AADACL3: variants seen among roughly 807,000 people sequenced by gnomAD.
The protein encoded by AADACL3 is arylacetamide deacetylase like 3.
In AADACL3, 13 loss-of-function variants were observed where a neutral mutation model predicts 13.6. The observed-to-expected ratio is 0.95, with a 90% CI of 0.62 to 1.52. AADACL3 has a LOEUF of 1.52. Ranked by LOEUF, AADACL3 falls within the 40% of genes most tolerant of loss-of-function variation. AADACL3 has a pLI of 0.00. For missense variants in AADACL3, 519 were observed against 499.2 expected (o/e 1.04, Z -0.38); for synonymous variants, 195 against 197.0 (o/e 0.99, Z 0.08).
At chr1:12,718,790 T>C (rs1648497307) in intron 1 of AADACL3, among the ~76,000 whole-genome samples, 1 of 152,218 alleles carries the variant, frequency 6.6e-6, no homozygotes, top group South Asian at 2.1e-4. Flanking sequence ...TATCAGCCAC[T>C]GTGCCTGGCT....
At chr1:12,718,171 AG>A (rs1648479900) in intron 1 of AADACL3, among the ~76,000 whole-genome samples, 1 of 152,128 alleles carries the variant, frequency 6.6e-6, no homozygotes, top group African/African-American at 2.4e-5. Context: ...TATTTTGATA[AG>A]TATATTTAAA....
At chr1:12,719,078 G>A (rs1302744902) in intron 1 of AADACL3, among the ~76,000 whole-genome samples, 1 of 152,186 alleles carries the variant, frequency 6.6e-6, no homozygotes, top group Non-Finnish European at 1.5e-5. Context: ...GCTTGGGGTG[G>A]CCAGATTGGC....
rs1344816315 is a variant in AADACL3 at position 12,728,755 on chromosome 1, AG to A, written c.*2760del. The A allele has an allele frequency of 6.6e-6, 1 of 152,268 alleles. No homozygotes were observed. Among genetic ancestry groups the A allele is most frequent in the African/African-American group, 2.4e-5 (1 of 41,454 alleles). 9.4% of individuals were successfully genotyped at this position (152,268 alleles called of 1,614,324 possible). ...ATTTCTTAAAATAAAATAAGACAAC[AG>A]TGGATTTGCCACATCAATGGACTCT... is the stretch of plus-strand genomic sequence containing the variant. On this transcript the variant is annotated 3_prime_UTR_variant, in exon 4 of 4. Transcript: ENST00000359318.
Position 12,716,196 on chromosome 1 carries a change from TCTTC to T in AADACL3, c.23_26del (p.Phe8SerfsTer9), listed in dbSNP as rs1648427274. 9.8e-7 allele frequency: 1 copy of T among 1,025,596 alleles called. No homozygotes were observed. The highest frequency in any genetic ancestry group is 1.8e-5 in the Admixed American group (1 of 56,962). 63.5% of individuals were successfully genotyped at this position (1,025,596 alleles called of 1,614,324 possible). On this transcript the variant is annotated frameshift_variant, in exon 1 of 4. Coordinates refer to ENST00000359318, the MANE Select transcript of AADACL3 (RefSeq NM_001103170.3). LOFTEE classifies it high-confidence loss of function. ...AGCAGCATGTGGGACCTGGCCCTGA[TCTTC>T]CTCGCAGCAGCCTGCGTGTTCTCAC...
Position 12,725,275 on chromosome 1 carries a change from T to G in AADACL3, c.503T>G (p.Val168Gly), listed in dbSNP as rs1557572222. Residue 168 changes from valine (V) to glycine (G), a missense_variant, in exon 4 of 4, where the codon GTG becomes GGG. Val to Gly is a moderately radical substitution (Grantham distance 109). Coordinates refer to ENST00000359318, the MANE Select transcript of AADACL3 (RefSeq NM_001103170.3). ...KFPVPVRDCL[V>G]ATIHFLKSLD... is the part of the protein sequence containing the mutation. Reference sequence around the variant, plus strand: ...CCAGTGCCAGTAAGAGACTGCTTGGTGGCCACCATCCACTTCCTGAAGTCC... The same window carrying G: ...CCAGTGCCAGTAAGAGACTGCTTGGGGGCCACCATCCACTTCCTGAAGTCC... 3 of 1,613,696 alleles carry G rather than the reference T, an allele frequency of 1.9e-6. No individual in the cohort carries two copies. The highest frequency in any genetic ancestry group is 2.5e-6 in the Non-Finnish European group (3 of 1,179,844).
chr1:12,725,331 G>A lies in AADACL3; in HGVS notation c.559G>A (p.Val187Ile), dbSNP rs1197721512. ...LDAYGVDPAR[V>I]VVCGDSFGGA... ...TGCATATGGAGTGGATCCAGCCCGGGTTGTGGTCTGCGGTGACAGTTTCGG... is the reference window on the plus strand; with the variant it reads ...TGCATATGGAGTGGATCCAGCCCGGATTGTGGTCTGCGGTGACAGTTTCGG... The change falls in exon 4 of 4, where the codon GTT (valine) becomes ATT (isoleucine). Residue 187 changes from valine (V) to isoleucine (I), a missense_variant. Coordinates refer to ENST00000359318, the MANE Select transcript of AADACL3 (RefSeq NM_001103170.3). The A allele has an allele frequency of 6.2e-7, 1 of 1,614,014 alleles. No individual in the cohort carries two copies. Among genetic ancestry groups the A allele is most frequent in the Non-Finnish European group, 8.5e-7 (1 of 1,180,032 alleles).
Position 12,720,601 on chromosome 1 carries a change from G to T in AADACL3, c.386-282G>T, listed in dbSNP as rs573073258. On this transcript the variant is annotated intron_variant, in intron 2 of 3. Coordinates refer to ENST00000359318, the MANE Select transcript of AADACL3 (RefSeq NM_001103170.3). ...AAAGTTGAGATTTGAACTCCAGTCT[G>T]AATCCAGAGCTCACACCCTAAACCT... Among the ~76,000 whole-genome samples the T allele has an allele frequency of 3.3e-5, 5 of 152,242 alleles. 1 individual carries two copies. The highest frequency in any genetic ancestry group is 1.2e-4 in the African/African-American group (5 of 41,556).
rs1364008676 is a variant in AADACL3 at position 12,725,696 on chromosome 1, T to A, written c.924T>A (p.Asn308Lys). Reference sequence around the variant, plus strand: ...AACTGAAGCCCCATGAGCCCATGAATGAAGCTGCTTACTTGGAAGTAAGTG... The same window carrying A: ...AACTGAAGCCCCATGAGCCCATGAAAGAAGCTGCTTACTTGGAAGTAAGTG... ...GYQLKPHEPM[N>K]EAAYLEVSVV... The change falls in exon 4 of 4, where the codon AAT becomes AAA. Residue 308 changes from asparagine to lysine, a missense_variant. Transcript: ENST00000359318. The A allele has an allele frequency of 6.2e-7, 1 of 1,614,032 alleles. No homozygotes were observed. The highest frequency in any genetic ancestry group is 8.5e-7 in the Non-Finnish European group (1 of 1,180,028).
Position 12,725,285 on chromosome 1 carries a change from C to A in AADACL3, c.513C>A (p.Ile171=). The A allele has an allele frequency of 1.2e-6, 2 of 1,613,986 alleles. No individual in the cohort carries two copies. Among genetic ancestry groups the A allele is most frequent in the Non-Finnish European group, 1.7e-6 (2 of 1,179,956 alleles). Residue 171 remains isoleucine, a synonymous_variant, in exon 4 of 4, where the codon ATC becomes ATA. Coordinates refer to ENST00000359318, the MANE Select transcript of AADACL3 (RefSeq NM_001103170.3). ...TAAGAGACTGCTTGGTGGCCACCAT[C>A]CACTTCCTGAAGTCCCTGGATGCAT... ...VPVRDCLVAT[I]HFLKSLDAYG...
At chr1:12,716,370 C>T (rs781584453) in intron 1 of AADACL3, 26 bp downstream of exon 1, 41 of 1,613,962 alleles carry the variant, frequency 2.5e-5, no homozygotes, top group Middle Eastern at 1.6e-4. Context: ...TATGTGTCCC[C>T]TCCAGCTGAC....
At chr1:12,722,710 C>T (rs1638290533) in intron 3 of AADACL3, among the ~76,000 whole-genome samples, 1 of 151,226 alleles carries the variant, frequency 6.6e-6, no homozygotes, top group Non-Finnish European at 1.5e-5. Flanking sequence ...TTGTGACCAG[C>T]ATTTAAAAAT....
intron 3 of AADACL3, among the ~76,000 whole-genome samples, chr1:12,721,480 C>T (rs565723111): frequency 6.6e-6 from 1 of 152,228 alleles, no homozygotes; most frequent in East Asian, 1.9e-4. Flanking sequence ...GAATGGGGAA[C>T]CCCTTCCTCT....
At position 12,716,275 on chromosome 1, in the gene AADACL3, C is replaced by T; in HGVS notation, c.99C>T (p.Ile33=). 6.2e-7 allele frequency: 1 copy of T among 1,604,866 alleles called. No individual in the cohort carries two copies. Among genetic ancestry groups the T allele is most frequent in the East Asian group, 2.2e-5 (1 of 44,854 alleles). ...VICSHFFTVH[I]PAAVGHPVKL... is the part of the protein sequence containing the mutation. Reference sequence around the variant, plus strand: ...GCAGCCATTTTTTCACTGTGCACATCCCTGCAGCGGTTGGCCACCCTGTGA... The same window carrying T: ...GCAGCCATTTTTTCACTGTGCACATTCCTGCAGCGGTTGGCCACCCTGTGA... Residue 33 remains isoleucine (I), a synonymous_variant, in exon 1 of 4, where the codon ATC becomes ATT. Transcript: ENST00000359318.
intron 3 of AADACL3, among the ~76,000 whole-genome samples, chr1:12,721,853 G>A (rs971982238): frequency 3.3e-5 from 5 of 152,240 alleles, no homozygotes; most frequent in Non-Finnish European, 5.9e-5. Context: ...CAAAGAGGGC[G>A]TGGTGGGCAT....
Position 12,716,278 on chromosome 1 carries a change from T to G in AADACL3, c.102T>G (p.Pro34=), listed in dbSNP as rs1648430758. The change falls in exon 1 of 4, where the codon CCT becomes CCG. Residue 34 remains proline (P), a synonymous_variant. Coordinates refer to ENST00000359318, the MANE Select transcript of AADACL3 (RefSeq NM_001103170.3). ...ICSHFFTVHI[P]AAVGHPVKLR... Reference sequence around the variant, plus strand: ...GCCATTTTTTCACTGTGCACATCCCTGCAGCGGTTGGCCACCCTGTGAAAC... The same window carrying G: ...GCCATTTTTTCACTGTGCACATCCCGGCAGCGGTTGGCCACCCTGTGAAAC... 3.1e-6 allele frequency: 5 copies of G among 1,608,792 alleles called. No homozygotes were observed. The Admixed American group carries it at 8.3e-5, about 27-fold the overall frequency.
Position 12,726,017 on chromosome 1 carries a change from T to A in AADACL3, c.*21T>A. 1 of 1,585,998 alleles carries A rather than the reference T, an allele frequency of 6.3e-7. No individual in the cohort carries two copies. Among genetic ancestry groups the A allele is most frequent in the African/African-American group, 1.3e-5 (1 of 74,368 alleles). ...TGTGACCATCTTTCTTCTCTGCTGG[T>A]ACTGCGGTGTGGATTCCACTGGCAT... is the stretch of plus-strand genomic sequence containing the variant. On this transcript the variant is annotated 3_prime_UTR_variant, in exon 4 of 4. Transcript: ENST00000359318.
At chr1:12,716,445 A>T in intron 1 of AADACL3, 101 bp downstream of exon 1, 3 of 1,493,734 alleles carry the variant, frequency 2.0e-6, no homozygotes, top group Non-Finnish European at 2.8e-6. Flanking sequence ...CACCGGTATC[A>T]TGGGGCCTGC....
chr1:12,726,004 T>C lies in AADACL3; in HGVS notation c.*8T>C, dbSNP rs2100218652. The C allele has an allele frequency of 6.2e-7, 1 of 1,600,982 alleles. No individual in the cohort carries two copies. The highest frequency in any genetic ancestry group is 2.2e-5 in the East Asian group (1 of 44,782). On this transcript the variant is annotated 3_prime_UTR_variant, in exon 4 of 4. Coordinates refer to ENST00000359318, the MANE Select transcript of AADACL3 (RefSeq NM_001103170.3). ...TTTGTAAAGGGACTGTGACCATCTT[T>C]CTTCTCTGCTGGTACTGCGGTGTGG... is the stretch of plus-strand genomic sequence containing the variant.
rs989820450 is a variant in AADACL3 at position 12,716,283 on chromosome 1, C to T, written c.107C>T (p.Ala36Val). The T allele has an allele frequency of 2.4e-5, 39 of 1,610,998 alleles. No individual in the cohort carries two copies. The highest frequency in any genetic ancestry group is 1.3e-4 in the South Asian group (12 of 91,016). ...SHFFTVHIPA[A>V]VGHPVKLRVL... ...TTTTTCACTGTGCACATCCCTGCAGCGGTTGGCCACCCTGTGAAACTGAGA... is the reference window on the plus strand; with the variant it reads ...TTTTTCACTGTGCACATCCCTGCAGTGGTTGGCCACCCTGTGAAACTGAGA... The change falls in exon 1 of 4, where the codon GCG (alanine) becomes GTG (valine). Residue 36 changes from alanine to valine, a missense_variant. Physicochemically the swap from Ala to Val is moderately conservative, Grantham distance 64. Coordinates refer to ENST00000359318, the MANE Select transcript of AADACL3 (RefSeq NM_001103170.3).
Sources: gnomAD v4.1 joint callset for allele counts (sites outside exome capture counted in the v4.1 genomes callset) on GRCh38, gnomAD v4.1.1 for gene constraint, MANE v1.5 for transcripts, NCBI Gene and HGNC (gene_info 2026-07-23, HGNC 2026-07-21) for gene names.